Variants in ANKRD44 observed in about 807,000 individuals in gnomAD.
ANKRD44 encodes the protein serine/threonine-protein phosphatase 6 regulatory ankyrin repeat subunit B.
In ANKRD44, 35 loss-of-function variants were observed where a neutral mutation model predicts 116.0. The ratio of observed to expected loss-of-function variants is 0.30; its 90% confidence interval spans 0.23 to 0.40. The LOEUF is 0.40. Ranked by LOEUF, ANKRD44 falls within the 10% of genes least tolerant of loss-of-function variation. The pLI, the probability that ANKRD44 is intolerant of heterozygous loss-of-function variation, is 1.00. For missense variants in ANKRD44, 1,014 were observed against 1,242.6 expected (o/e 0.82, Z 2.77); for synonymous variants, 435 against 461.8 (o/e 0.94, Z 0.74).
At chr2:197,257,793 T>C (rs1361031486) in intron 1 of ANKRD44, among the ~76,000 whole-genome samples, 2 of 152,200 alleles carry the variant, frequency 1.3e-5, no homozygotes, top group East Asian at 1.9e-4. Context: ...TGGGATTAAG[T>C]ACATTCACAT....
chr2:197,082,009 A>G (rs58682267), intron 14 of ANKRD44, among the ~76,000 whole-genome samples: 19,158 of 152,112 alleles, frequency 0.13, 1,423 homozygotes, highest in Non-Finnish European at 0.17. Flanking sequence ...AACATCCTAA[A>G]CTTCCCAAGT....
chr2:197,044,921 A>G (rs2076975283), intron 16 of ANKRD44, among the ~76,000 whole-genome samples: 1 of 152,182 alleles, frequency 6.6e-6, no homozygotes, highest in Non-Finnish European at 1.5e-5. Flanking sequence ...AACAGCTTTG[A>G]AAAAAGTTTC....
intron 1 of ANKRD44, among the ~76,000 whole-genome samples, chr2:197,283,669 G>T (rs2083326815): frequency 3.3e-5 from 5 of 150,546 alleles, no homozygotes; most frequent in South Asian, 4.2e-4. Context: ...GTGATGAGTT[G>T]TTTTTTTTTC....
chr2:197,233,499 G>A (rs1226969463), intron 1 of ANKRD44, among the ~76,000 whole-genome samples: 1 of 152,110 alleles, frequency 6.6e-6, no homozygotes, highest in Non-Finnish European at 1.5e-5. Context: ...AGGGACAAAG[G>A]AGAATGAATA....
intron 1 of ANKRD44, among the ~76,000 whole-genome samples, chr2:197,213,313 A>G (rs890405233): frequency 7.2e-5 from 11 of 152,242 alleles, no homozygotes; most frequent in African/African-American, 2.7e-4. Flanking sequence ...AATGTAGACA[A>G]TGTTATTTTT....
In ANKRD44 at chr2:197,007,724, G is replaced by A. The variant is rs2076225264; in HGVS notation, c.2130+82C>T. 3 of 898,056 alleles carry A rather than the reference G, an allele frequency of 3.3e-6. No homozygotes were observed. In the East Asian group the frequency reaches 7.3e-5, roughly 22 times the overall value. 55.6% of individuals were successfully genotyped at this position (898,056 alleles called of 1,614,324 possible). On this transcript the variant is annotated intron_variant, in intron 20 of 27. Transcript: ENST00000282272. Reference sequence around the variant, plus strand: ...TTTTGCTAAAAATCCAATCAAAGTAGGCCCTTTGTAATTGTTTGCTAAAAA... The same window carrying A: ...TTTTGCTAAAAATCCAATCAAAGTAAGCCCTTTGTAATTGTTTGCTAAAAA...
intron 1 of ANKRD44, among the ~76,000 whole-genome samples, chr2:197,254,984 T>C (rs1559190267): frequency 6.6e-6 from 1 of 152,200 alleles, no homozygotes; most frequent in Non-Finnish European, 1.5e-5. Context: ...TCCAAGGTGC[T>C]GCCCTGAGGC....
chr2:197,064,109 G>A (rs1200379058), intron 16 of ANKRD44, among the ~76,000 whole-genome samples: 5 of 152,248 alleles, frequency 3.3e-5, no homozygotes, highest in Non-Finnish European at 7.3e-5. Context: ...TCTCTTGGCA[G>A]AAACTCTACA....
intron 14 of ANKRD44, 100 bp downstream of exon 14, chr2:197,083,263 TAGTCTA>T: frequency 1.4e-6 from 2 of 1,396,796 alleles, no homozygotes; most frequent in Non-Finnish European, 1.9e-6. Flanking sequence ...TCTTTTGGGT[TAGTCTA>T]ACTCTTTTTC....
chr2:197,250,779 A>T (rs1354003358), intron 1 of ANKRD44: 3 of 152,248 alleles, frequency 2.0e-5, no homozygotes, highest in Non-Finnish European at 4.4e-5. Context: ...AATAGGATTT[A>T]AATCCAGACA....
intron 2 of ANKRD44, among the ~76,000 whole-genome samples, chr2:197,164,674 C>T (rs1455797257): frequency 1.3e-5 from 2 of 152,190 alleles, no homozygotes; most frequent in African/African-American, 4.8e-5. Context: ...CCCGGACGTC[C>T]GCTTTCTCGC....
In ANKRD44 at chr2:197,310,762, C is replaced by T; in HGVS notation, c.-158G>A. The T allele has an allele frequency of 1.5e-6, 1 of 665,792 alleles. No individual in the cohort carries two copies. The highest frequency in any genetic ancestry group is 2.0e-6 in the Non-Finnish European group (1 of 490,696). 41.2% of individuals were successfully genotyped at this position (665,792 alleles called of 1,614,324 possible). On this transcript the variant is annotated 5_prime_UTR_variant, in exon 1 of 28. Coordinates refer to ENST00000282272, the MANE Select transcript of ANKRD44 (RefSeq NM_001195144.2). ...GCTCCTCCTCCGCCGCCGCCTCCTC[C>T]CGCCGAGAGGCTGACACTGGCTAGT...
At chr2:197,122,909 T>C (rs1053308552) in intron 6 of ANKRD44, 117 bp from the exon 7 acceptor site, 7 of 1,290,412 alleles carry the variant, frequency 5.4e-6, no homozygotes, top group African/African-American at 4.5e-5. Context: ...GCTGAGTTAT[T>C]TGTAAAAAGC....
chr2:197,060,302 A>C (rs1030059457), intron 16 of ANKRD44, among the ~76,000 whole-genome samples: 1 of 152,212 alleles, frequency 6.6e-6, no homozygotes, highest in African/African-American at 2.4e-5. Flanking sequence ...ACATTAAATG[A>C]ATACATAATA....
At position 197,190,919 on chromosome 2, in the gene ANKRD44, C is replaced by T. The variant is rs182127287; in HGVS notation, c.28-3813G>A. On this transcript the variant is annotated intron_variant, in intron 1 of 27. Transcript: ENST00000282272. ...CATTTTAGCACTAGCATATATAACACGAGTGCTTTGTGTACAGTAGGGTAC... is the reference window on the plus strand; with the variant it reads ...CATTTTAGCACTAGCATATATAACATGAGTGCTTTGTGTACAGTAGGGTAC... Among the ~76,000 whole-genome samples the T allele has an allele frequency of 3.9e-5, 6 of 152,182 alleles. No homozygotes were observed. In the East Asian group the frequency reaches 7.7e-4, roughly 20 times the overall value.
At chr2:197,111,663 G>T (rs566563861) in intron 8 of ANKRD44, among the ~76,000 whole-genome samples, 1 of 146,440 alleles carries the variant, frequency 6.8e-6, no homozygotes, top group East Asian at 2.0e-4. Context: ...AAAGAAAACT[G>T]ATCTGGAACC....
chr2:197,298,899 AGAGT>A, intron 1 of ANKRD44, among the ~76,000 whole-genome samples: 1 of 151,416 alleles, frequency 6.6e-6, no homozygotes, highest in African/African-American at 2.5e-5. Flanking sequence ...CATGGGTGAC[AGAGT>A]GAGATCCTGT....
At chr2:197,270,555 T>G (rs1207861969) in intron 1 of ANKRD44, among the ~76,000 whole-genome samples, 6 of 152,106 alleles carry the variant, frequency 3.9e-5, no homozygotes, top group Non-Finnish European at 8.8e-5. Flanking sequence ...CCAGGTGGAA[T>G]TTCTAAGAAG....
chr2:197,251,371 G>T (rs1250342717), intron 1 of ANKRD44, among the ~76,000 whole-genome samples: 1 of 152,050 alleles, frequency 6.6e-6, no homozygotes, highest in African/African-American at 2.4e-5. Flanking sequence ...AAATTCCAGG[G>T]AGTGGGTTAC....
Sources: gnomAD v4.1 joint callset for allele counts (sites outside exome capture counted in the v4.1 genomes callset) on GRCh38, gnomAD v4.1.1 for gene constraint, MANE v1.5 for transcripts, NCBI Gene and HGNC (gene_info 2026-07-23, HGNC 2026-07-21) for gene names.